The following IGFBP4 variants were observed in gnomAD, a reference collection of about 807,000 sequenced individuals.
The protein encoded by IGFBP4 is insulin like growth factor binding protein 4, also known as insulin-like growth factor-binding protein 4.
Under a neutral mutation model 25.8 loss-of-function variants are expected in IGFBP4, and 9 were observed. That is an observed-to-expected ratio of 0.35 (90% confidence interval 0.21 to 0.61). IGFBP4 has a LOEUF of 0.61. Among genes scored for constraint, IGFBP4 ranks in the 20% least tolerant of loss-of-function variants. IGFBP4 has a pLI of 0.77. For synonymous variants in IGFBP4, 153 were observed against 153.9 expected (o/e 0.99, Z 0.05); for missense variants, 315 against 365.3 (o/e 0.86, Z 1.12).
At chr17:40,444,920 CACACACAGAGACAGAGAGAGAGAGAG>C (rs879320883) in intron 1 of IGFBP4, among the ~76,000 whole-genome samples, 2,578 of 95,426 alleles carry the variant, frequency 0.027, 35 homozygotes, top group Middle Eastern at 0.039. Flanking sequence ...CACACACACA[CACACACAGAGACAGAGAGAGAGAGAG>C]AGAGAGAGAG....
chr17:40,454,821 C>T (rs1308089454), intron 3 of IGFBP4, among the ~76,000 whole-genome samples: 6 of 152,162 alleles, frequency 3.9e-5, no homozygotes, highest in Non-Finnish European at 8.8e-5. Context: ...TGGGTGTTGC[C>T]TGGGGAACCC....
Position 40,453,140 on chromosome 17 carries a change from G to A in IGFBP4, c.505G>A (p.Val169Met), listed in dbSNP as rs766909574. Reference protein sequence around the residue: ...NGAPREDARPVPQGSCQSELH... With the variant: ...NGAPREDARPMPQGSCQSELH... ...GGCGCCCCGGGAGGATGCCCGGCCT[G>A]TGGTAAGGACCTCCGATGCACAAAT... is the stretch of plus-strand genomic sequence containing the variant. The change falls in exon 2 of 4, where the codon GTG (valine) becomes ATG (methionine). Residue 169 changes from valine to methionine, a missense_variant and splice_region_variant. Val to Met is a conservative substitution (Grantham distance 21). Coordinates refer to ENST00000269593, the MANE Select transcript of IGFBP4 (RefSeq NM_001552.3). The surrounding 1 kb of genome is among the most constrained non-coding windows in gnomAD (Gnocchi z 4.0). 1 of 1,561,906 alleles carries A rather than the reference G, an allele frequency of 6.4e-7. No individual in the cohort carries two copies. The highest frequency in any genetic ancestry group is 1.9e-5 in the Admixed American group (1 of 53,050).
At position 40,456,505 on chromosome 17, in the gene IGFBP4, G is replaced by C. The variant is rs143719140; in HGVS notation, c.699G>C (p.Thr233=). 199 of 1,613,768 alleles carry C rather than the reference G, an allele frequency of 1.2e-4. No individual in the cohort carries two copies. The highest frequency in any genetic ancestry group is 1.6e-4 in the Non-Finnish European group (186 of 1,179,878). Residue 233 remains threonine, a synonymous_variant, in exon 4 of 4, where the codon ACG becomes ACC. Transcript: ENST00000269593. The part of the protein sequence containing the change: ...RGKCWCVDRK[T]GVKLPGGLEP... The stretch of plus-strand genomic sequence containing the variant: ...AGTGCTGGTGTGTGGACCGGAAGAC[G>C]GGGGTGAAGCTTCCGGGGGGCCTGG...
At chr17:40,449,177 C>T (rs939396526) in intron 1 of IGFBP4, among the ~76,000 whole-genome samples, 1 of 152,162 alleles carries the variant, frequency 6.6e-6, no homozygotes, top group Admixed American at 6.5e-5. Flanking sequence ...TGGGGCCATA[C>T]CAACCCAAGA....
chr17:40,457,379 G>A lies in IGFBP4; in HGVS notation c.*796G>A, dbSNP rs1370049167. ...GAGGTGGGGTACATTTCTCTGAGCA[G>A]TCAGGGTGGGAAGAAAGAATGCAAG... is the stretch of plus-strand genomic sequence containing the variant. On this transcript the variant is annotated 3_prime_UTR_variant, in exon 4 of 4. Transcript: ENST00000269593. The A allele has an allele frequency of 6.6e-6, 1 of 152,248 alleles. No individual in the cohort carries two copies. Among genetic ancestry groups the A allele is most frequent in the East Asian group, 1.9e-4 (1 of 5,186 alleles). The allele number at this position is 152,248 out of a possible 1,614,324, so 9.4% of individuals were successfully genotyped here.
chr17:40,454,636 A>G (rs1231397452), intron 3 of IGFBP4, among the ~76,000 whole-genome samples: 2 of 152,208 alleles, frequency 1.3e-5, no homozygotes, highest in Non-Finnish European at 2.9e-5. Flanking sequence ...GGAGTGGGGC[A>G]GGAGAGAAGA....
intron 1 of IGFBP4, among the ~76,000 whole-genome samples, chr17:40,444,816 G>A (rs866605028): frequency 5.9e-5 from 9 of 151,616 alleles, no homozygotes; most frequent in African/African-American, 2.2e-4. Flanking sequence ...ATGTGTGTGG[G>A]ATAGGGAATA....
In IGFBP4 at chr17:40,443,978, C is replaced by T. The variant is rs903983703; in HGVS notation, c.243C>T (p.Tyr81=). 2 of 1,530,964 alleles carry T rather than the reference C, an allele frequency of 1.3e-6. No homozygotes were observed. Among genetic ancestry groups the T allele is most frequent in the African/African-American group, 2.8e-5 (2 of 72,242 alleles). 94.8% of individuals were successfully genotyped at this position (1,530,964 alleles called of 1,614,324 possible). A position where few individuals can be genotyped will look rare whatever the true frequency, so the allele number is the denominator to read the frequency against. ...GTTGCGGCTCGGGCCTGCGCTGCTA[C>T]CCGCCCCGAGGGGTGGAGAAGCCCC... ...TPRCGSGLRC[Y]PPRGVEKPLH... Residue 81 remains tyrosine, a synonymous_variant, in exon 1 of 4, where the codon TAC becomes TAT. Coordinates refer to ENST00000269593, the MANE Select transcript of IGFBP4 (RefSeq NM_001552.3).
rs1057003850 is a variant in IGFBP4 at position 40,457,063 on chromosome 17, C to G, written c.*480C>G. The G allele has an allele frequency of 4.5e-5, 7 of 154,708 alleles. No individual in the cohort carries two copies. Among genetic ancestry groups the G allele is most frequent in the Admixed American group, 3.9e-4 (6 of 15,526 alleles). 9.6% of individuals were successfully genotyped at this position (154,708 alleles called of 1,614,324 possible). A position where few individuals can be genotyped will look rare whatever the true frequency, so the allele number is the denominator to read the frequency against. On this transcript the variant is annotated 3_prime_UTR_variant, in exon 4 of 4. Transcript: ENST00000269593. ...TTCAAGCCTGTGGGAGTAGAAAAAT[C>G]TCATTCCCAGAGTCAGAGGAGAAGA...
rs1013598040 is a variant in IGFBP4, at chr17:40,456,662, G to A, written c.*79G>A. On this transcript the variant is annotated 3_prime_UTR_variant, in exon 4 of 4. Transcript: ENST00000269593. Reference sequence around the variant, plus strand: ...GGCTGCAGAGCTGACCCAGAGTGGAGTCTGAGTCTGAGTCCTGTCTCTGCC... The same window carrying A: ...GGCTGCAGAGCTGACCCAGAGTGGAATCTGAGTCTGAGTCCTGTCTCTGCC... 4 of 1,376,472 alleles carry A rather than the reference G, an allele frequency of 2.9e-6. No individual in the cohort carries two copies. The highest frequency in any genetic ancestry group is 4.0e-6 in the Non-Finnish European group (4 of 1,003,126). The allele number at this position is 1,376,472 out of a possible 1,614,324, so 85.3% of individuals were successfully genotyped here. A position where few individuals can be genotyped will look rare whatever the true frequency, so the allele number is the denominator to read the frequency against.
intron 1 of IGFBP4, among the ~76,000 whole-genome samples, chr17:40,450,529 GTTTTTT>G (rs533802407): frequency 1.3e-5 from 2 of 150,374 alleles, no homozygotes; most frequent in Non-Finnish European, 3.0e-5. Context: ...TTTTTTTTTT[GTTTTTT>G]TGTTTTTGTT....
rs1346031272 is a variant in IGFBP4, at chr17:40,443,466, G to GC, written c.-266dup. ...GTCCCGGGCAGCCGCTCAGCCCCCTGCCCCTCGCCGCCCGCCGCCTGCCTG... is the reference window on the plus strand; with the variant it reads ...GTCCCGGGCAGCCGCTCAGCCCCCTGCCCCCTCGCCGCCCGCCGCCTGCCTG... On this transcript the variant is annotated 5_prime_UTR_variant, in exon 1 of 4. Coordinates refer to ENST00000269593, the MANE Select transcript of IGFBP4 (RefSeq NM_001552.3). The GC allele has an allele frequency of 1.9e-5, 3 of 156,820 alleles. No individual in the cohort carries two copies. The highest frequency in any genetic ancestry group is 7.2e-5 in the African/African-American group (3 of 41,436). The allele number at this position is 156,820 out of a possible 1,614,324, so 9.7% of individuals were successfully genotyped here. A position where few individuals can be genotyped will look rare whatever the true frequency, so the allele number is the denominator to read the frequency against.
intron 1 of IGFBP4, among the ~76,000 whole-genome samples, chr17:40,449,599 A>G (rs546686252): frequency 8.0e-4 from 122 of 152,302 alleles, no homozygotes; most frequent in African/African-American, 2.8e-3. Flanking sequence ...ATACAAAAAA[A>G]TTAGCTGGGC....
chr17:40,456,368 G>A (rs1329058511), intron 3 of IGFBP4, 81 bp from the exon 4 acceptor site: 1 of 1,496,828 alleles, frequency 6.7e-7, no homozygotes, highest in Admixed American at 1.8e-5. Context: ...TTGGGGGCTG[G>A]GCTGGGCTGG....
chr17:40,450,999 G>C (rs1201590608), intron 1 of IGFBP4, among the ~76,000 whole-genome samples: 1 of 152,154 alleles, frequency 6.6e-6, no homozygotes, highest in Non-Finnish European at 1.5e-5. Flanking sequence ...TTCCTTGGGA[G>C]GGTCTCAAAG....
At chr17:40,444,888 C>A (rs1355028023) in intron 1 of IGFBP4, among the ~76,000 whole-genome samples, 17 of 63,982 alleles carry the variant, frequency 2.7e-4, no homozygotes, top group East Asian at 4.6e-4. Context: ...GAGAGAAACA[C>A]ACACACACAC....
In IGFBP4 at chr17:40,456,630, C is replaced by T. The variant is rs1432421496; in HGVS notation, c.*47C>T. On this transcript the variant is annotated 3_prime_UTR_variant, in exon 4 of 4. Coordinates refer to ENST00000269593, the MANE Select transcript of IGFBP4 (RefSeq NM_001552.3). ...CTCAGCGTCCCCTGCTACTCCTGTG[C>T]TCTGGAGGCTGCAGAGCTGACCCAG... The T allele has an allele frequency of 2.5e-6, 4 of 1,578,692 alleles. No individual in the cohort carries two copies. The Admixed American group carries it at 5.4e-5, about 21-fold the overall frequency.
Position 40,444,867 on chromosome 17 carries a change from A to G in IGFBP4, c.349+783A>G, listed in dbSNP as rs1179305951. Reference sequence around the variant, plus strand: ...CGCCAGGGGAGAGAAACAGAGAGAGAGAGAGAGAGAGAGAGAAACACACAC... The same window carrying G: ...CGCCAGGGGAGAGAAACAGAGAGAGGGAGAGAGAGAGAGAGAAACACACAC... On this transcript the variant is annotated intron_variant, in intron 1 of 3. Transcript: ENST00000269593. Among the ~76,000 whole-genome samples, 11 of 146,620 alleles carry G rather than the reference A, an allele frequency of 7.5e-5. No individual in the cohort carries two copies. The South Asian group carries it at 2.4e-3, about 32-fold the overall frequency.
At chr17:40,445,777 A>G (rs942166358) in intron 1 of IGFBP4, among the ~76,000 whole-genome samples, 21 of 152,128 alleles carry the variant, frequency 1.4e-4, no homozygotes, top group African/African-American at 4.8e-4. Context: ...TTCGCGGGGT[A>G]CAACAGAGTC....
Sources: gnomAD v4.1 joint callset for allele counts (sites outside exome capture counted in the v4.1 genomes callset) on GRCh38, gnomAD v4.1.1 for gene constraint, Gnocchi (gnomAD v3.1) non-coding constraint, MANE v1.5 for transcripts, NCBI Gene and HGNC (gene_info 2026-07-23, HGNC 2026-07-21) for gene names.